The following FBXO45 variants were observed in gnomAD, a reference collection of about 807,000 sequenced individuals.
FBXO45 encodes F-box/SPRY domain-containing protein 1.
Under a neutral mutation model 25.5 loss-of-function variants are expected in FBXO45, and 3 were observed. That is an observed-to-expected ratio of 0.12 (90% confidence interval 0.05 to 0.30). The LOEUF (loss-of-function observed/expected upper bound fraction) is 0.30. Among genes scored for constraint, FBXO45 ranks in the 10% least tolerant of loss-of-function variants. The probability of loss-of-function intolerance (pLI) is 1.00; values close to 1 mark genes in which losing one functional copy is unlikely to be tolerated. For synonymous variants in FBXO45, 155 were observed against 149.8 expected, an observed-to-expected ratio of 1.03 and a Z score of -0.25; for missense variants, 219 against 365.0, an observed-to-expected ratio of 0.60 and a Z score of 3.26.
chr3:196,577,888 T>C, intron 2 of FBXO45, 79 bp downstream of exon 2: 1 of 856,496 alleles, frequency 1.2e-6, no homozygotes, highest in South Asian at 4.0e-5. Flanking sequence ...CAAATTTTTA[T>C]ATAGCAGTTT....
intron 1 of FBXO45, among the ~76,000 whole-genome samples, chr3:196,573,634 A>G (rs1294229303): frequency 6.6e-6 from 1 of 152,238 alleles, no homozygotes; most frequent in South Asian, 2.1e-4. Flanking sequence ...GGATGTGTCA[A>G]ATGGATTTTC....
chr3:196,568,730 G>A lies in FBXO45; in HGVS notation c.-255G>A, dbSNP rs1383040636. 1 of 154,422 alleles carries A rather than the reference G, an allele frequency of 6.5e-6. No homozygotes were observed. The highest frequency in any genetic ancestry group is 1.4e-5 in the Non-Finnish European group (1 of 70,088). The allele number at this position is 154,422 out of a possible 1,614,324, so 9.6% of individuals were successfully genotyped here. On this transcript the variant is annotated 5_prime_UTR_variant, in exon 1 of 3. Transcript: ENST00000311630. ...GCCGCGGAGAGGCCGGGCGAGTCGGGCGGTTTCGGCGCCCGCGCTGAGCCG... is the reference window on the plus strand; with the variant it reads ...GCCGCGGAGAGGCCGGGCGAGTCGGACGGTTTCGGCGCCCGCGCTGAGCCG...
chr3:196,579,943 T>C (rs1735979458), intron 2 of FBXO45, among the ~76,000 whole-genome samples: 1 of 152,200 alleles, frequency 6.6e-6, no homozygotes, highest in African/African-American at 2.4e-5. Flanking sequence ...GTGGAGCTCC[T>C]ACACAGCACA....
chr3:196,580,594 G>T (rs757158094), intron 2 of FBXO45, among the ~76,000 whole-genome samples: 2 of 152,174 alleles, frequency 1.3e-5, no homozygotes, highest in Non-Finnish European at 2.9e-5. Context: ...CAGTTGCTGG[G>T]ATTACAGGTT....
rs781439225 is a variant in FBXO45, at chr3:196,569,128, C to T, written c.144C>T (p.Phe48=). 14 of 1,546,570 alleles carry T rather than the reference C, an allele frequency of 9.1e-6. No homozygotes were observed. The South Asian group carries it at 1.4e-4, about 16-fold the overall frequency. The change falls in exon 1 of 3, where the codon TTC becomes TTT. Residue 48 remains phenylalanine, a synonymous_variant. Transcript: ENST00000311630. This position sits in a 1 kb window ranked among gnomAD's most constrained non-coding sequence, Gnocchi z 4.1. Reference sequence around the variant, plus strand: ...CCAGCCGGGTGCTGGAGTTGGTGTTCTCTTACCTGGAGCTGTCCGAGCTGC... The same window carrying T: ...CCAGCCGGGTGCTGGAGTTGGTGTTTTCTTACCTGGAGCTGTCCGAGCTGC... ...RLPSRVLELV[F]SYLELSELRS...
At chr3:196,572,146 G>T (rs1215041909) in intron 1 of FBXO45, among the ~76,000 whole-genome samples, 1 of 152,220 alleles carries the variant, frequency 6.6e-6, no homozygotes, top group Non-Finnish European at 1.5e-5. Context: ...AGTACTCTGA[G>T]CAGAAGCAGG....
At chr3:196,574,373 A>C (rs1735877896) in intron 1 of FBXO45, among the ~76,000 whole-genome samples, 2 of 152,204 alleles carry the variant, frequency 1.3e-5, no homozygotes, top group South Asian at 4.1e-4. Flanking sequence ...TCAAATTGCC[A>C]GTTGTCTCAT....
intron 1 of FBXO45, among the ~76,000 whole-genome samples, chr3:196,574,408 G>A (rs1379104015): frequency 1.3e-5 from 2 of 152,208 alleles, no homozygotes; most frequent in East Asian, 1.9e-4. Flanking sequence ...GCATTTTAAA[G>A]TTATATTTTA....
intron 2 of FBXO45, among the ~76,000 whole-genome samples, chr3:196,580,886 A>G (rs1735998506): frequency 6.6e-6 from 1 of 151,992 alleles, no homozygotes; most frequent in Admixed American, 6.6e-5. Flanking sequence ...CCCAGGCTCA[A>G]GTGATCATCC....
intron 1 of FBXO45, among the ~76,000 whole-genome samples, chr3:196,576,043 G>A (rs1192089568): frequency 6.6e-6 from 1 of 152,154 alleles, no homozygotes; most frequent in African/African-American, 2.4e-5. Flanking sequence ...GAGCAGATAG[G>A]AAAAACATTG....
rs564744513 is a variant in FBXO45 at position 196,581,559 on chromosome 3, C to T, written c.676-2574C>T. 8.5e-5 allele frequency among the ~76,000 whole-genome samples: 13 copies of T among 152,138 alleles called. No homozygotes were observed. The South Asian group carries it at 2.7e-3, about 32-fold the overall frequency. ...CTGGTTCTTTTTTAGAGTAAATTTC[C>T]TTTTCGAGATTCCTTATTTATTTAC... On this transcript the variant is annotated intron_variant, in intron 2 of 2. Transcript: ENST00000311630.
intron 2 of FBXO45, among the ~76,000 whole-genome samples, chr3:196,580,366 C>T (rs1441308994): frequency 6.6e-6 from 1 of 152,154 alleles, no homozygotes; most frequent in South Asian, 2.1e-4. Context: ...CATGCGCCAC[C>T]ACACCCAGCT....
chr3:196,582,872 T>C (rs1736037839), intron 2 of FBXO45, among the ~76,000 whole-genome samples: 1 of 152,200 alleles, frequency 6.6e-6, no homozygotes, highest in African/African-American at 2.4e-5. Flanking sequence ...CTAAGGTGAT[T>C]TTTAAAATTG....
At chr3:196,581,241 T>TTTC (rs1736007686) in intron 2 of FBXO45, among the ~76,000 whole-genome samples, 1 of 128,026 alleles carries the variant, frequency 7.8e-6, no homozygotes, top group African/African-American at 3.0e-5. Context: ...TTTTTTTTTT[T>TTTC]TTTTTTTTTT....
intron 2 of FBXO45, among the ~76,000 whole-genome samples, chr3:196,580,780 T>G (rs908251397): frequency 2.0e-5 from 3 of 149,174 alleles, no homozygotes; most frequent in African/African-American, 7.3e-5. Flanking sequence ...TTCTTTTCCT[T>G]TTTTTTTTTG....
At position 196,568,717 on chromosome 3, in the gene FBXO45, C is replaced by CCGGGCGAGT; in HGVS notation, c.-261_-253dup. On this transcript the variant is annotated 5_prime_UTR_variant, in exon 1 of 3. Transcript: ENST00000311630. The stretch of plus-strand genomic sequence containing the variant: ...GAGCCGCTGGCGCGCCGCGGAGAGG[C>CCGGGCGAGT]CGGGCGAGTCGGGCGGTTTCGGCGC... 1 of 153,062 alleles carries CCGGGCGAGT rather than the reference C, an allele frequency of 6.5e-6. No individual in the cohort carries two copies. Among genetic ancestry groups the CCGGGCGAGT allele is most frequent in the South Asian group, 2.1e-4 (1 of 4,840 alleles). The allele number at this position is 153,062 out of a possible 1,614,324, so 9.5% of individuals were successfully genotyped here. A position where few individuals can be genotyped will look rare whatever the true frequency, so the allele number is the denominator to read the frequency against.
rs1735739101 is a variant in FBXO45 at position 196,569,408 on chromosome 3, C to G, written c.318+106C>G. On this transcript the variant is annotated intron_variant, in intron 1 of 2. Transcript: ENST00000311630. This position sits in a 1 kb window ranked among gnomAD's most constrained non-coding sequence, Gnocchi z 4.1. ...AGTCAGAAGCTTCGCCTCACCAGCC[C>G]GCCTTTCCACGGCTCCAGTCAGTAT... 7.3e-6 allele frequency: 8 copies of G among 1,089,396 alleles called. No individual in the cohort carries two copies. The South Asian group carries it at 1.2e-4, about 16-fold the overall frequency. The allele number at this position is 1,089,396 out of a possible 1,614,324, so 67.5% of individuals were successfully genotyped here. A position where few individuals can be genotyped will look rare whatever the true frequency, so the allele number is the denominator to read the frequency against.
At chr3:196,578,332 G>T (rs1412444541) in intron 2 of FBXO45, among the ~76,000 whole-genome samples, 1 of 152,182 alleles carries the variant, frequency 6.6e-6, no homozygotes, top group South Asian at 2.1e-4. Flanking sequence ...ACCATGCCCA[G>T]CCTCAAGGAG....
intron 1 of FBXO45, among the ~76,000 whole-genome samples, chr3:196,575,822 G>A (rs1735903390): frequency 1.3e-5 from 2 of 151,728 alleles, no homozygotes; most frequent in South Asian, 2.1e-4. Context: ...GATTACAAGC[G>A]TGCACTGCCA....
Sources: allele counts gnomAD v4.1 joint callset (sites outside exome capture counted in the v4.1 genomes callset), GRCh38; gene constraint gnomAD v4.1.1; non-coding constraint Gnocchi (gnomAD v3.1); transcripts MANE v1.5; gene names NCBI Gene and HGNC (gene_info 2026-07-23, HGNC 2026-07-21).